Variants in KLHL40 observed in about 807,000 individuals in gnomAD.
KLHL40 encodes the protein kelch-like protein 40.
Under a neutral mutation model 49.7 loss-of-function variants are expected in KLHL40, and 44 were observed. That is an observed-to-expected ratio of 0.89 (90% confidence interval 0.70 to 1.14). KLHL40 has a LOEUF of 1.14. Among genes scored for constraint, KLHL40 ranks in the 50% most tolerant of loss-of-function variants. The probability of loss-of-function intolerance (pLI) is 0.00; values close to 1 mark genes in which losing one functional copy is unlikely to be tolerated. For missense variants in KLHL40, 892 were observed against 850.3 expected, an observed-to-expected ratio of 1.05 and a Z score of -0.61; for synonymous variants, 409 against 365.2, an observed-to-expected ratio of 1.12 and a Z score of -1.37.
At chr3:42,689,675 A>G (rs1697330595) in intron 4 of KLHL40, among the ~76,000 whole-genome samples, 1 of 152,060 alleles carries the variant, frequency 6.6e-6, no homozygotes. Flanking sequence ...CCCAGGGGTC[A>G]GGAAGGTCAG....
In KLHL40 at chr3:42,686,480, A is replaced by G. The variant is rs961749575; in HGVS notation, c.862A>G (p.Ser288Gly). 1 of 1,614,120 alleles carries G rather than the reference A, an allele frequency of 6.2e-7. No homozygotes were observed. Among genetic ancestry groups the G allele is most frequent in the Non-Finnish European group, 8.5e-7 (1 of 1,180,020 alleles). ...GGCCAAGGAGGCTGATAAGGGCACA[A>G]GCAAAGCCAAAGCAGAGGAGGATGA... ...AGAKEADKGT[S>G]KAKAEEDEEA... is the part of the protein sequence containing the mutation. The change falls in exon 1 of 6, where the codon AGC (serine) becomes GGC (glycine). Residue 288 changes from serine (S) to glycine (G), a missense_variant. By Grantham distance (56) the Ser-to-Gly change is moderately conservative. Transcript: ENST00000287777.
rs776727983 is a variant in KLHL40, at chr3:42,686,453, G to C, written c.835G>C (p.Gly279Arg). 4 of 1,613,990 alleles carry C rather than the reference G, an allele frequency of 2.5e-6. No individual in the cohort carries two copies. Among genetic ancestry groups the C allele is most frequent in the Non-Finnish European group, 3.4e-6 (4 of 1,179,984 alleles). The change falls in exon 1 of 6, where the codon GGG (glycine) becomes CGG (arginine). Residue 279 changes from glycine (G) to arginine (R), a missense_variant. Transcript: ENST00000287777. ...GAAAAAGAAGGGGAAGGATGGAGCC[G>C]GGGCCAAGGAGGCTGATAAGGGCAC... Reference protein sequence around the residue: ...RKKKKGKDGAGAKEADKGTSK... With the variant: ...RKKKKGKDGARAKEADKGTSK...
At chr3:42,687,220 A>G (rs752601843) in intron 1 of KLHL40, among the ~76,000 whole-genome samples, 26 of 152,212 alleles carry the variant, frequency 1.7e-4, no homozygotes, top group Admixed American at 5.9e-4. Context: ...AGCAGAGTGG[A>G]GTGCCAGGTC....
At position 42,685,827 on chromosome 3, in the gene KLHL40, G is replaced by C. The variant is rs764525245; in HGVS notation, c.209G>C (p.Gly70Ala). ...ARFLAEPERAGELHLEEVSPD... is the reference protein window; with the variant it reads ...ARFLAEPERAAELHLEEVSPD... ...TTTCTAGCCGAGCCGGAGCGCGCGG[G>C]CGAGCTGCACCTGGAGGAGGTGTCC... is the stretch of plus-strand genomic sequence containing the variant. Residue 70 changes from glycine (G) to alanine (A), a missense_variant, in exon 1 of 6, where the codon GGC becomes GCC. Gly to Ala is a moderately conservative substitution (Grantham distance 60). Transcript: ENST00000287777. The C allele has an allele frequency of 1.2e-6, 2 of 1,613,074 alleles. No individual in the cohort carries two copies. Among genetic ancestry groups the C allele is most frequent in the East Asian group, 4.5e-5 (2 of 44,862 alleles).
Position 42,688,312 on chromosome 3 carries a change from G to A in KLHL40, c.1313+10G>A, listed in dbSNP as rs370151645. The stretch of plus-strand genomic sequence containing the variant: ...TGTGCTACGACAGGCTGTGAGCATG[G>A]CTGGGGTGGGGCTGAGCTCCGTGGG... On this transcript the variant is annotated intron_variant, in intron 2 of 5. Coordinates refer to ENST00000287777, the MANE Select transcript of KLHL40 (RefSeq NM_152393.4). The surrounding 1 kb of genome is among the most constrained non-coding windows in gnomAD (Gnocchi z 4.2). The A allele has an allele frequency of 6.8e-6, 11 of 1,613,670 alleles. No individual in the cohort carries two copies. In the African/African-American group the frequency reaches 1.5e-4, roughly 22 times the overall value.
Position 42,692,374 on chromosome 3 carries a change from A to G in KLHL40, c.*381A>G, listed in dbSNP as rs992868969. On this transcript the variant is annotated 3_prime_UTR_variant, in exon 6 of 6. Transcript: ENST00000287777. The stretch of plus-strand genomic sequence containing the variant: ...AGCATCCCCATCAAGTGCAGTGTAC[A>G]GTGCAGATATGTCTCCTTCTTTAGG... The G allele has an allele frequency of 8.5e-5, 34 of 401,894 alleles. No individual in the cohort carries two copies. The East Asian group carries it at 1.5e-3, about 18-fold the overall frequency. The allele number at this position is 401,894 out of a possible 1,614,324, so 24.9% of individuals were successfully genotyped here. A position where few individuals can be genotyped will look rare whatever the true frequency, so the allele number is the denominator to read the frequency against.
chr3:42,688,123 C>T lies in KLHL40; in HGVS notation c.1153-19C>T, dbSNP rs762381447. The T allele has an allele frequency of 6.2e-7, 1 of 1,613,586 alleles. No homozygotes were observed. Among genetic ancestry groups the T allele is most frequent in the Admixed American group, 1.7e-5 (1 of 59,988 alleles). On this transcript the variant is annotated intron_variant, in intron 1 of 5. Transcript: ENST00000287777. This position sits in a 1 kb window ranked among gnomAD's most constrained non-coding sequence, Gnocchi z 4.2. ...TGGGGGAGTGGGGGGCGGTAGCTGA[C>T]TGGACACCTGGCCTGCAGTTTGACC...
At chr3:42,691,711 C>A (rs1353562666) in intron 5 of KLHL40, among the ~76,000 whole-genome samples, 171 bp from the exon 6 acceptor site, 2 of 151,852 alleles carry the variant, frequency 1.3e-5, no homozygotes, top group Non-Finnish European at 2.9e-5. Context: ...GGTGGGTGTT[C>A]CTTGGGGTGG....
chr3:42,690,348 G>C (rs1355044682), intron 4 of KLHL40, among the ~76,000 whole-genome samples: 2 of 152,236 alleles, frequency 1.3e-5, no homozygotes, highest in Non-Finnish European at 2.9e-5. Context: ...CGTGTGCAGT[G>C]ACTGTGGACC....
rs558382353 is a variant in KLHL40 at position 42,688,512 on chromosome 3, G to T, written c.1314-98G>T. The T allele has an allele frequency of 2.1e-5, 22 of 1,038,058 alleles. No homozygotes were observed. The highest frequency in any genetic ancestry group is 4.7e-5 in the African/African-American group (3 of 63,268). 64.3% of individuals were successfully genotyped at this position (1,038,058 alleles called of 1,614,324 possible). On this transcript the variant is annotated intron_variant, in intron 2 of 5. Transcript: ENST00000287777. The surrounding 1 kb of genome is among the most constrained non-coding windows in gnomAD (Gnocchi z 4.2). Reference sequence around the variant, plus strand: ...TCCAGCAATGGATCTGACGCATCTCGAATATGTGTTAGGTGGATGGGCGGA... The same window carrying T: ...TCCAGCAATGGATCTGACGCATCTCTAATATGTGTTAGGTGGATGGGCGGA...
At chr3:42,691,128 G>A (rs1697358322) in intron 5 of KLHL40, 123 bp downstream of exon 5, 1 of 998,634 alleles carries the variant, frequency 1.0e-6, no homozygotes, top group East Asian at 2.6e-5. Flanking sequence ...CCTCTTCTAG[G>A]GAGTCCTGTA....
rs377155259 is a variant in KLHL40 at position 42,690,953 on chromosome 3, C to T, written c.1702C>T (p.Leu568=). The change falls in exon 5 of 6, where the codon CTG becomes TTG. Residue 568 remains leucine, a synonymous_variant. Transcript: ENST00000287777. ...CTATGCCATTGGTGGCTTTGCCACACTGGAGACGGAGTCTGGAGAGCTGGT... is the reference window on the plus strand; with the variant it reads ...CTATGCCATTGGTGGCTTTGCCACATTGGAGACGGAGTCTGGAGAGCTGGT... ...TLYAIGGFAT[L]ETESGELVPT... is the part of the protein sequence containing the mutation. The T allele has an allele frequency of 2.5e-6, 4 of 1,613,718 alleles. No individual in the cohort carries two copies. The highest frequency in any genetic ancestry group is 2.2e-5 in the South Asian group (2 of 91,056).
In KLHL40 at chr3:42,686,183, GAGA is replaced by G. The variant is rs1488769886; in HGVS notation, c.568_570del (p.Lys190del). The G allele has an allele frequency of 1.9e-6, 3 of 1,582,488 alleles. No individual in the cohort carries two copies. Among genetic ancestry groups the G allele is most frequent in the Non-Finnish European group, 2.6e-6 (3 of 1,168,804 alleles). On this transcript the variant is annotated inframe_deletion, in exon 1 of 6. Transcript: ENST00000287777. ...CATCTCCAGCGACGGCCTTAACGTG[GAGA>G]AGGAGGAGGCAGTGTTCGAGGCGGT... is the stretch of plus-strand genomic sequence containing the variant.
intron 5 of KLHL40, among the ~76,000 whole-genome samples, chr3:42,691,641 AT>A (rs1697370744): frequency 6.6e-6 from 1 of 151,902 alleles, no homozygotes; most frequent in South Asian, 2.1e-4. Flanking sequence ...TTTGAGGAAT[AT>A]GGGAACACCC....
In KLHL40 at chr3:42,686,185, G is replaced by A. The variant is rs777906281; in HGVS notation, c.567G>A (p.Glu189=). 9 of 1,582,124 alleles carry A rather than the reference G, an allele frequency of 5.7e-6. No homozygotes were observed. In the South Asian group the frequency reaches 7.9e-5, roughly 14 times the overall value. ...TCTCCAGCGACGGCCTTAACGTGGA[G>A]AAGGAGGAGGCAGTGTTCGAGGCGG... ...AIISSDGLNV[E]KEEAVFEAVM... is the part of the protein sequence containing the mutation. The change falls in exon 1 of 6, where the codon GAG becomes GAA. Residue 189 remains glutamate (E), a synonymous_variant. Coordinates refer to ENST00000287777, the MANE Select transcript of KLHL40 (RefSeq NM_152393.4).
At position 42,688,219 on chromosome 3, in the gene KLHL40, T is replaced by C; in HGVS notation, c.1230T>C (p.Ala410=). The part of the protein sequence containing the change: ...SPRCLFGLGE[A]LNSIYVVGGR... ...GCTGCCTCTTTGGCCTGGGAGAAGC[T>C]CTCAACTCCATCTACGTGGTCGGTG... Residue 410 remains alanine (A), a synonymous_variant, in exon 2 of 6, where the codon GCT becomes GCC. Coordinates refer to ENST00000287777, the MANE Select transcript of KLHL40 (RefSeq NM_152393.4). This position sits in a 1 kb window ranked among gnomAD's most constrained non-coding sequence, Gnocchi z 4.2. 1 of 1,613,778 alleles carries C rather than the reference T, an allele frequency of 6.2e-7. No individual in the cohort carries two copies. The highest frequency in any genetic ancestry group is 8.5e-7 in the Non-Finnish European group (1 of 1,179,976).
Position 42,688,165 on chromosome 3 carries a change from G to T in KLHL40, c.1176G>T (p.Trp392Cys). The change falls in exon 2 of 6, where the codon TGG becomes TGT. Residue 392 changes from tryptophan (W) to cysteine (C), a missense_variant. Physicochemically the swap from Trp to Cys is radical, Grantham distance 215. Transcript: ENST00000287777. The surrounding 1 kb of genome is among the most constrained non-coding windows in gnomAD (Gnocchi z 4.2). ...AGTTTGACCATCTGGACTCAGAGTGGCTGGGGATGCCACCGCTGCCCTCGC... is the reference window on the plus strand; with the variant it reads ...AGTTTGACCATCTGGACTCAGAGTGTCTGGGGATGCCACCGCTGCCCTCGC... ...FLQFDHLDSEWLGMPPLPSPR... is the reference protein window; with the variant it reads ...FLQFDHLDSECLGMPPLPSPR... 1 of 1,613,890 alleles carries T rather than the reference G, an allele frequency of 6.2e-7. No individual in the cohort carries two copies. The highest frequency in any genetic ancestry group is 8.5e-7 in the Non-Finnish European group (1 of 1,180,014).
chr3:42,686,890 T>A (rs1697281696), intron 1 of KLHL40, 120 bp downstream of exon 1: 2 of 869,108 alleles, frequency 2.3e-6, no homozygotes, highest in African/African-American at 3.4e-5. Context: ...TAGGGTGAGA[T>A]GTAGACTGGG....
chr3:42,685,699 G>A lies in KLHL40; in HGVS notation c.81G>A (p.Leu27=), dbSNP rs1437347386. ...TLLQDGLKDM[L]DHGKFLDCVV... The stretch of plus-strand genomic sequence containing the variant: ...TGCAAGACGGGCTCAAAGACATGCT[G>A]GACCATGGCAAGTTCCTCGACTGTG... The change falls in exon 1 of 6, where the codon CTG becomes CTA. Residue 27 remains leucine, a synonymous_variant. Coordinates refer to ENST00000287777, the MANE Select transcript of KLHL40 (RefSeq NM_152393.4). The A allele has an allele frequency of 3.1e-6, 5 of 1,613,126 alleles. No homozygotes were observed. The Admixed American group carries it at 6.7e-5, about 22-fold the overall frequency.
Sources: gnomAD v4.1 joint callset for allele counts (sites outside exome capture counted in the v4.1 genomes callset) on GRCh38, gnomAD v4.1.1 for gene constraint, Gnocchi (gnomAD v3.1) non-coding constraint, MANE v1.5 for transcripts, NCBI Gene and HGNC (gene_info 2026-07-23, HGNC 2026-07-21) for gene names.